SUMF1: variants seen among roughly 807,000 people sequenced by gnomAD.
SUMF1 encodes the protein sulfatase modifying factor 1, also known as formylglycine-generating enzyme.
SUMF1 carries 48 observed loss-of-function variants against 47.6 expected under a neutral mutation model. The observed-to-expected ratio is 1.01, with a 90% CI of 0.80 to 1.28. The LOEUF is 1.28. SUMF1 is among the 50% of genes most tolerant of loss of function. SUMF1 has a pLI of 0.00. For synonymous variants in SUMF1, 230 were observed against 192.1 expected (o/e 1.20, Z -1.63); for missense variants, 571 against 485.4 (o/e 1.18, Z -1.66).
chr3:4,166,892 G>A (rs898817616), intron 8 of SUMF1, among the ~76,000 whole-genome samples: 11 of 152,102 alleles, frequency 7.2e-5, no homozygotes, highest in African/African-American at 2.7e-4. Context: ...GGGGTGGTTA[G>A]AGAGCCCTTT....
At chr3:4,092,130 C>A (rs1692802091) in intron 8 of SUMF1, among the ~76,000 whole-genome samples, 1 of 152,062 alleles carries the variant, frequency 6.6e-6, no homozygotes, top group Admixed American at 6.5e-5. Flanking sequence ...CTTTAGTCCT[C>A]TCTTAGAGCT....
At chr3:4,107,492 A>G (rs17039919) in intron 8 of SUMF1, among the ~76,000 whole-genome samples, 7,152 of 152,148 alleles carry the variant, frequency 0.047, 472 homozygotes, top group East Asian at 0.15. Context: ...TCATTCTCCT[A>G]TCAGTACTAT....
At chr3:4,391,000 C>T (rs1700844486) in intron 7 of SUMF1, among the ~76,000 whole-genome samples, 2 of 152,308 alleles carry the variant, frequency 1.3e-5, no homozygotes, top group South Asian at 4.1e-4. Flanking sequence ...ACCTCCTTCA[C>T]CTTCATTTTT....
At chr3:4,264,365 G>A (rs535229426) in intron 8 of SUMF1, among the ~76,000 whole-genome samples, 3 of 152,310 alleles carry the variant, frequency 2.0e-5, no homozygotes, top group East Asian at 3.9e-4. Flanking sequence ...ACAAGCCATC[G>A]CGTTCATATT....
chr3:4,460,692 T>C (rs1336691030), intron 1 of SUMF1, among the ~76,000 whole-genome samples: 2 of 151,262 alleles, frequency 1.3e-5, no homozygotes, highest in Non-Finnish European at 2.9e-5. Flanking sequence ...AGTCCCACTC[T>C]GTCACCCCAC....
chr3:4,202,723 T>A (rs1695567348), intron 8 of SUMF1, among the ~76,000 whole-genome samples: 2 of 152,054 alleles, frequency 1.3e-5, no homozygotes, highest in Non-Finnish European at 2.9e-5. Context: ...CCATATTGGT[T>A]CTTCCAGTCC....
rs566516178 is a variant in SUMF1 at position 4,109,743 on chromosome 3, A to G, written c.1015-40998T>C. On this transcript the variant is annotated intron_variant and NMD_transcript_variant, in intron 8 of 12. Transcript: ENST00000448413. ...GGCTCCTGAGGCTTGTGCATTTGTC[A>G]CGTAGTTCTTGTGCCATGGTTTTCA... is the stretch of plus-strand genomic sequence containing the variant. Among the ~76,000 whole-genome samples the G allele has an allele frequency of 5.5e-4, 83 of 151,860 alleles. 1 individual carries two copies. Among genetic ancestry groups the G allele is most frequent in the Non-Finnish European group, 1.0e-3 (70 of 68,008 alleles).
intron 8 of SUMF1, among the ~76,000 whole-genome samples, chr3:4,298,334 T>C (rs1697900613): frequency 6.6e-6 from 1 of 152,214 alleles, no homozygotes; most frequent in Non-Finnish European, 1.5e-5. Context: ...ATTCTGAAGA[T>C]TGGTTATATC....
intron 9 of SUMF1, among the ~76,000 whole-genome samples, chr3:4,063,452 A>G (rs955898020): frequency 6.6e-6 from 1 of 151,968 alleles, no homozygotes; most frequent in African/African-American, 2.4e-5. Context: ...CCCCACCCCA[A>G]AGTGAACATG....
At chr3:4,452,806 G>T in intron 2 of SUMF1, 70 bp downstream of exon 2, 1 of 1,566,376 alleles carries the variant, frequency 6.4e-7, no homozygotes, top group Non-Finnish European at 8.8e-7. Flanking sequence ...GTCAATCTTA[G>T]CTGCTATTAA....
intron 8 of SUMF1, among the ~76,000 whole-genome samples, chr3:4,232,653 ATTTG>A (rs769124861): frequency 2.0e-4 from 30 of 152,116 alleles, no homozygotes; most frequent in Non-Finnish European, 3.5e-4. Context: ...TTGTATCTGT[ATTTG>A]TTTGGTTATC....
chr3:4,437,712 G>C (rs1702446545), intron 3 of SUMF1, among the ~76,000 whole-genome samples: 1 of 152,168 alleles, frequency 6.6e-6, no homozygotes, highest in Non-Finnish European at 1.5e-5. Flanking sequence ...GCTGAGGTAG[G>C]GGGATCACTT....
intron 8 of SUMF1, among the ~76,000 whole-genome samples, chr3:4,237,619 T>C (rs1001811026): frequency 6.6e-6 from 1 of 152,148 alleles, no homozygotes; most frequent in South Asian, 2.1e-4. Flanking sequence ...AGCAGAAATA[T>C]TAAATTTTAA....
At chr3:4,292,447 C>A (rs968074981) in intron 8 of SUMF1, among the ~76,000 whole-genome samples, 22 of 152,154 alleles carry the variant, frequency 1.4e-4, no homozygotes. Context: ...GTGGGTGAGT[C>A]AGAAATTTAA....
At chr3:4,192,174 A>G (rs1311965408) in intron 8 of SUMF1, among the ~76,000 whole-genome samples, 1 of 152,086 alleles carries the variant, frequency 6.6e-6, no homozygotes, top group Non-Finnish European at 1.5e-5. Flanking sequence ...ACAGTAAGGC[A>G]GGGAGAAAAG....
intron 8 of SUMF1, among the ~76,000 whole-genome samples, chr3:4,300,794 C>T (rs1304146627): frequency 6.6e-6 from 1 of 151,996 alleles, no homozygotes; most frequent in Non-Finnish European, 1.5e-5. Flanking sequence ...TCCTTTAGTT[C>T]CCACCCCACT....
At chr3:4,123,081 C>T (rs1435561019) in intron 8 of SUMF1, among the ~76,000 whole-genome samples, 1 of 151,702 alleles carries the variant, frequency 6.6e-6, no homozygotes, top group Non-Finnish European at 1.5e-5. Context: ...GTAAAGTACA[C>T]AAAAGAGAAG....
At chr3:4,255,241 CA>C (rs1344992038) in intron 8 of SUMF1, among the ~76,000 whole-genome samples, 1 of 124,340 alleles carries the variant, frequency 8.0e-6, no homozygotes, top group African/African-American at 2.9e-5. Context: ...ATCATAATGA[CA>C]GGATCAAATT....
chr3:4,085,075 A>G (rs1317850161), intron 8 of SUMF1, among the ~76,000 whole-genome samples: 1 of 152,120 alleles, frequency 6.6e-6, no homozygotes, highest in Admixed American at 6.6e-5. Flanking sequence ...ACAGACTCAG[A>G]GACAGATTAG....
Sources: gnomAD v4.1 joint callset for allele counts (sites outside exome capture counted in the v4.1 genomes callset) on GRCh38, gnomAD v4.1.1 for gene constraint, MANE v1.5 for transcripts, NCBI Gene and HGNC (gene_info 2026-07-23, HGNC 2026-07-21) for gene names.